MAN1B1: variants seen among roughly 807,000 people sequenced by gnomAD.
The protein encoded by MAN1B1 is mannosidase alpha class 1B member 1.
In MAN1B1, 66 loss-of-function variants were observed where a neutral mutation model predicts 75.5. The ratio of observed to expected loss-of-function variants is 0.87; its 90% CI spans 0.72 to 1.07. The LOEUF (loss-of-function observed/expected upper bound fraction) is 1.07. Among genes scored for constraint, MAN1B1 ranks in the 50% least tolerant of loss-of-function variants. The pLI is 0.00. For missense variants in MAN1B1, 973 were observed against 912.5 expected (o/e 1.07, Z -0.85); for synonymous variants, 453 against 382.8 (o/e 1.18, Z -2.14).
chr9:137,108,615 A>G lies in MAN1B1; in HGVS notation c.*24A>G, dbSNP rs766096334. 1 of 1,610,946 alleles carries G rather than the reference A, an allele frequency of 6.2e-7. No individual in the cohort carries two copies. Among genetic ancestry groups the G allele is most frequent in the Admixed American group, 1.7e-5 (1 of 59,994 alleles). ...AGGGTGGATGGCTGCTGGTGTGGGGACTTCGGGTGGGCAGAGGCACCTTGC... is the reference window on the plus strand; with the variant it reads ...AGGGTGGATGGCTGCTGGTGTGGGGGCTTCGGGTGGGCAGAGGCACCTTGC... On this transcript the variant is annotated 3_prime_UTR_variant, in exon 13 of 13. Coordinates refer to ENST00000371589, the MANE Select transcript of MAN1B1 (RefSeq NM_016219.5).
chr9:137,106,882 T>G (rs1831129643), intron 10 of MAN1B1, 73 bp downstream of exon 10: 1 of 1,482,192 alleles, frequency 6.7e-7, no homozygotes, highest in Non-Finnish European at 8.9e-7. Context: ...AGTCATGATG[T>G]CAAAAAGAAC....
rs140839701 is a variant in MAN1B1 at position 137,107,583 on chromosome 9, A to G, written c.1817A>G (p.Tyr606Cys). The G allele has an allele frequency of 1.9e-6, 3 of 1,612,280 alleles. No homozygotes were observed. The highest frequency in any genetic ancestry group is 2.7e-5 in the African/African-American group (2 of 74,910). Residue 606 changes from tyrosine (Y) to cysteine (C), a missense_variant, in exon 12 of 13, where the codon TAC (tyrosine) becomes TGC (cysteine). Coordinates refer to ENST00000371589, the MANE Select transcript of MAN1B1 (RefSeq NM_016219.5). ...LRPETVESLF[Y>C]LYRVTGDRKY... is the part of the protein sequence containing the mutation. ...CCAGAGACCGTGGAGAGCCTGTTCT[A>G]CCTGTACCGCGTCACAGGGGACCGC...
At chr9:137,102,521 C>T in intron 8 of MAN1B1, 3 of 429,574 alleles carry the variant, frequency 7.0e-6, no homozygotes, top group East Asian at 7.4e-5. Flanking sequence ...CACATTCACG[C>T]TGTTGCAGGC....
chr9:137,105,116 C>T (rs1449578481), intron 8 of MAN1B1: 1 of 152,434 alleles, frequency 6.6e-6, no homozygotes, highest in African/African-American at 2.4e-5. Context: ...TCCCAAAGTG[C>T]TGGGATTACA....
rs768259623 is a variant in MAN1B1, at chr9:137,107,742, C to T, written c.1896+80C>T. On this transcript the variant is annotated intron_variant, in intron 12 of 12. Coordinates refer to ENST00000371589, the MANE Select transcript of MAN1B1 (RefSeq NM_016219.5). ...TGGGCTGTGGGGCTCAGGCTGGCTC[C>T]GCTCTTGGTGGTGGCTGTGACCTGG... is the stretch of plus-strand genomic sequence containing the variant. 44 of 1,601,554 alleles carry T rather than the reference C, an allele frequency of 2.7e-5. No individual in the cohort carries two copies. The African/African-American group carries it at 3.6e-4, about 13-fold the overall frequency.
rs145554887 is a variant in MAN1B1 at position 137,097,884 on chromosome 9, C to G, written c.677C>G (p.Ala226Gly). Reference sequence around the variant, plus strand: ...GGCACCGAGCTCCCTTCAAGAAGAGCAGAAGTGCCCACCAAGCCTCCCCTG... The same window carrying G: ...GGCACCGAGCTCCCTTCAAGAAGAGGAGAAGTGCCCACCAAGCCTCCCCTG... The part of the protein sequence containing the change: ...EQGTELPSRR[A>G]EVPTKPPLPP... The change falls in exon 5 of 13, where the codon GCA (alanine) becomes GGA (glycine). Residue 226 changes from alanine to glycine, a missense_variant. Ala to Gly is a moderately conservative substitution (Grantham distance 60). Transcript: ENST00000371589. 1.9e-6 allele frequency: 3 copies of G among 1,560,802 alleles called. No homozygotes were observed. The East Asian group carries it at 7.2e-5, about 38-fold the overall frequency.
intron 3 of MAN1B1, among the ~76,000 whole-genome samples, chr9:137,095,630 C>T (rs1330045472): frequency 1.3e-5 from 2 of 152,146 alleles, no homozygotes; most frequent in African/African-American, 2.4e-5. Flanking sequence ...ATGGATTTGC[C>T]TCTAGACTCA....
At position 137,106,182 on chromosome 9, in the gene MAN1B1, C is replaced by T. The variant is rs150942110; in HGVS notation, c.1312C>T (p.Leu438=). 267 of 1,612,630 alleles carry T rather than the reference C, an allele frequency of 1.7e-4. No homozygotes were observed. The highest frequency in any genetic ancestry group is 3.6e-5 in the Non-Finnish European group (42 of 1,179,850). The stretch of plus-strand genomic sequence containing the variant: ...CGGCCTGTCTGGGAAGAAGGATGGG[C>T]TGGTGCCCATGTTCATCAATACCCA... The part of the protein sequence containing the change: ...IHGLSGKKDG[L]VPMFINTHSG... The change falls in exon 9 of 13, where the codon CTG becomes TTG. Residue 438 remains leucine, a synonymous_variant. Transcript: ENST00000371589.
chr9:137,108,383 C>A lies in MAN1B1; in HGVS notation c.1897-5C>A, dbSNP rs538884060. ...TGTGGTGACGAGGCCCTGGCTGCTGCACAGGTCCCCTCGGGTGGCTATTCT... is the reference window on the plus strand; with the variant it reads ...TGTGGTGACGAGGCCCTGGCTGCTGAACAGGTCCCCTCGGGTGGCTATTCT... On this transcript the variant is annotated splice_polypyrimidine_tract_variant and splice_region_variant and intron_variant, in intron 12 of 12. Coordinates refer to ENST00000371589, the MANE Select transcript of MAN1B1 (RefSeq NM_016219.5). 3.0e-5 allele frequency: 48 copies of A among 1,613,212 alleles called. No homozygotes were observed. In the South Asian group the frequency reaches 5.1e-4, roughly 17 times the overall value.
At chr9:137,101,404 T>C in intron 7 of MAN1B1, 80 bp from the exon 8 acceptor site, 1 of 1,356,288 alleles carries the variant, frequency 7.4e-7, no homozygotes, top group Non-Finnish European at 1.1e-6. Flanking sequence ...CTTCAGTGTC[T>C]CCACTGAACT....
intron 8 of MAN1B1, chr9:137,105,533 G>A (rs939368419): frequency 3.4e-5 from 9 of 264,146 alleles, no homozygotes; most frequent in Admixed American, 1.6e-4. Flanking sequence ...GGGTGTCTGC[G>A]TTGGGTAGAG....
rs199609988 is a variant in MAN1B1 at position 137,106,116 on chromosome 9, C to T, written c.1255-9C>T. The T allele has an allele frequency of 2.5e-5, 40 of 1,611,954 alleles. No individual in the cohort carries two copies. The African/African-American group carries it at 4.3e-4, about 17-fold the overall frequency. ...GCCAGTAAACCCACCATCCCCCTTT[C>T]TGCCGCAGGAGGCAGTGGAGAAGGT... On this transcript the variant is annotated splice_polypyrimidine_tract_variant and intron_variant, in intron 8 of 12. Transcript: ENST00000371589.
At position 137,096,148 on chromosome 9, in the gene MAN1B1, G is replaced by T; in HGVS notation, c.466-89G>T. 3 of 1,370,580 alleles carry T rather than the reference G, an allele frequency of 2.2e-6. No homozygotes were observed. In the South Asian group the frequency reaches 3.5e-5, roughly 16 times the overall value. The allele number at this position is 1,370,580 out of a possible 1,614,324, so 84.9% of individuals were successfully genotyped here. ...AGGTCAGAAGCTCAGTCTGTGAGGT[G>T]TGGGCTGCACCTGAGGGCGTCCCAT... On this transcript the variant is annotated intron_variant, in intron 3 of 12. Coordinates refer to ENST00000371589, the MANE Select transcript of MAN1B1 (RefSeq NM_016219.5).
chr9:137,108,815 C>T lies in MAN1B1; in HGVS notation c.*224C>T, dbSNP rs1265037218. 5 of 683,244 alleles carry T rather than the reference C, an allele frequency of 7.3e-6. No individual in the cohort carries two copies. Among genetic ancestry groups the T allele is most frequent in the Non-Finnish European group, 1.3e-5 (5 of 372,970 alleles). 42.3% of individuals were successfully genotyped at this position (683,244 alleles called of 1,614,324 possible). ...GTGGGCTGGGCCGCTGGAGCCTCCGCCTGCTTCCTCCAGAAGACACGAATC... is the reference window on the plus strand; with the variant it reads ...GTGGGCTGGGCCGCTGGAGCCTCCGTCTGCTTCCTCCAGAAGACACGAATC... On this transcript the variant is annotated 3_prime_UTR_variant, in exon 13 of 13. Transcript: ENST00000371589.
chr9:137,087,491 C>T (rs983443116), intron 1 of MAN1B1: 1 of 654,846 alleles, frequency 1.5e-6, no homozygotes, highest in African/African-American at 1.8e-5. Context: ...GTTCGCTTTT[C>T]TGCAAGGTCC....
rs747007876 is a variant in MAN1B1, at chr9:137,099,881, G to A, written c.916G>A (p.Glu306Lys). Residue 306 changes from glutamate (E) to lysine (K), a missense_variant and splice_region_variant, in exon 6 of 13, where the codon GAA becomes AAA. By Grantham distance (56) the Glu-to-Lys change is moderately conservative. Coordinates refer to ENST00000371589, the MANE Select transcript of MAN1B1 (RefSeq NM_016219.5). ...DTMWILGLRK[E>K]FEEARKWVSK... ...CATGTGGATCTTGGGTCTGAGGAAA[G>A]GTACCTGGTGCTTTCTGGGGAGGGG... is the stretch of plus-strand genomic sequence containing the variant. 1.9e-6 allele frequency: 3 copies of A among 1,614,026 alleles called. No individual in the cohort carries two copies. The highest frequency in any genetic ancestry group is 1.3e-5 in the African/African-American group (1 of 74,944).
chr9:137,100,613 C>A (rs4880201), intron 6 of MAN1B1, among the ~76,000 whole-genome samples: 39,812 of 152,026 alleles, frequency 0.26, 6,320 homozygotes, highest in Non-Finnish European at 0.37. Context: ...ACCTTGGCCT[C>A]CTGGTTTCAA....
At chr9:137,093,833 CA>C (rs1564277134) in intron 3 of MAN1B1, among the ~76,000 whole-genome samples, 4 of 150,596 alleles carry the variant, frequency 2.7e-5, no homozygotes, top group African/African-American at 9.8e-5. Flanking sequence ...GACTCTGTCT[CA>C]AAAAAAAGAG....
intron 10 of MAN1B1, 100 bp downstream of exon 10, chr9:137,106,909 C>T (rs962256001): frequency 1.6e-5 from 24 of 1,508,734 alleles, no homozygotes; most frequent in Admixed American, 1.5e-4. Context: ...CTGGCCATGG[C>T]GCCCACGTGG....
Sources: gnomAD v4.1 joint callset for allele counts (sites outside exome capture counted in the v4.1 genomes callset) on GRCh38, gnomAD v4.1.1 for gene constraint, MANE v1.5 for transcripts, NCBI Gene and HGNC (gene_info 2026-07-23, HGNC 2026-07-21) for gene names.